The following NLGN2 variants were observed in gnomAD, a reference collection of about 807,000 sequenced individuals.
The protein encoded by NLGN2 is neuroligin-2.
In NLGN2, 11 loss-of-function variants were observed where a neutral mutation model predicts 48.6. The ratio of observed to expected loss-of-function variants is 0.23; its 90% CI spans 0.14 to 0.37. The LOEUF (loss-of-function observed/expected upper bound fraction) is 0.37, where lower values mean the gene tolerates loss of function less well. Among genes scored for constraint, NLGN2 ranks in the 10% least tolerant of loss-of-function variants. NLGN2 has a pLI of 1.00. For synonymous variants in NLGN2, 548 were observed against 550.0 expected, an observed-to-expected ratio of 1.00 and a Z score of 0.05; for missense variants, 801 against 1,225.2, an observed-to-expected ratio of 0.65 and a Z score of 5.17.
At chr17:7,406,651 G>GGC, upstream of NLGN2, among the ~76,000 whole-genome samples, 1 of 133,360 alleles carries the variant, frequency 7.5e-6, no homozygotes, top group South Asian at 2.8e-4. Flanking sequence ...CTGGTGGGGG[G>GGC]GCGGGGGGGG....
intron 3 of NLGN2, 42 bp downstream of exon 3, chr17:7,414,535 G>A (rs532675139): frequency 1.2e-6 from 2 of 1,611,998 alleles, no homozygotes; most frequent in African/African-American, 2.7e-5. Context: ...GGGAGTCTGG[G>A]AGGTGGGCCT....
intron 2 of NLGN2, among the ~76,000 whole-genome samples, chr17:7,412,666 C>T (rs893137472): frequency 6.6e-6 from 1 of 151,868 alleles, no homozygotes; most frequent in Non-Finnish European, 1.5e-5. Context: ...AAGCCTGTCG[C>T]AATTTCCAAA....
At chr17:7,416,812 TC>T in intron 6 of NLGN2, 113 bp from the exon 7 acceptor site, 1 of 1,313,228 alleles carries the variant, frequency 7.6e-7, no homozygotes, top group East Asian at 2.5e-5. Context: ...TCTCTGGCTT[TC>T]TTGCTGTCCC....
rs2150820213 is a variant in NLGN2, at chr17:7,418,966, A to T, written c.*1167A>T. 1 of 152,534 alleles carries T rather than the reference A, an allele frequency of 6.6e-6. No individual in the cohort carries two copies. Among genetic ancestry groups the T allele is most frequent in the East Asian group, 1.9e-4 (1 of 5,164 alleles). The allele number at this position is 152,534 out of a possible 1,614,324, so 9.4% of individuals were successfully genotyped here. A position where few individuals can be genotyped will look rare whatever the true frequency, so the allele number is the denominator to read the frequency against. The stretch of plus-strand genomic sequence containing the variant: ...AGGGGAAACTAAGGGCAAGCAGGAT[A>T]CAGGGCGAGGGATGTGGCAGGTGAG... On this transcript the variant is annotated 3_prime_UTR_variant, in exon 7 of 7. Transcript: ENST00000302926.
chr17:7,410,648 C>T (rs954395583), intron 1 of NLGN2, among the ~76,000 whole-genome samples: 1 of 152,140 alleles, frequency 6.6e-6, no homozygotes, highest in African/African-American at 2.4e-5. Flanking sequence ...ATGGACTGTC[C>T]ACCCCAACAC....
rs772593403 is a variant in NLGN2 at position 7,413,683 on chromosome 17, C to T, written c.509-661C>T. Among the ~76,000 whole-genome samples the T allele has an allele frequency of 1.3e-5, 2 of 152,078 alleles. No individual in the cohort carries two copies. Among genetic ancestry groups the T allele is most frequent in the Non-Finnish European group, 2.9e-5 (2 of 67,986 alleles). On this transcript the variant is annotated intron_variant, in intron 2 of 6. Transcript: ENST00000302926. The surrounding 1 kb of genome is among the most constrained non-coding windows in gnomAD (Gnocchi z 4.9). ...GGGCTCAGGCCAGTTTGGGGGTGTC[C>T]AAAACTAAGCTGCACCCTGGCTTCA...
upstream of NLGN2, among the ~76,000 whole-genome samples, chr17:7,406,769 G>T (rs190383926): frequency 3.9e-5 from 6 of 152,218 alleles, no homozygotes; most frequent in East Asian, 7.7e-4. Context: ...TGTAGGGGGG[G>T]TGGCAAGGGG....
rs550812088 is a variant in NLGN2, at chr17:7,418,827, G to C, written c.*1028G>C. 1 of 152,626 alleles carries C rather than the reference G, an allele frequency of 6.6e-6. No individual in the cohort carries two copies. The highest frequency in any genetic ancestry group is 2.4e-5 in the African/African-American group (1 of 41,528). 9.5% of individuals were successfully genotyped at this position (152,626 alleles called of 1,614,324 possible). A position where few individuals can be genotyped will look rare whatever the true frequency, so the allele number is the denominator to read the frequency against. ...ACCAAAGCCCTCATTGTGGTCCGAG[G>C]ACAGCCTTTTCCCCAGGCCTCAGAG... On this transcript the variant is annotated 3_prime_UTR_variant, in exon 7 of 7. Coordinates refer to ENST00000302926, the MANE Select transcript of NLGN2 (RefSeq NM_020795.4).
Position 7,408,072 on chromosome 17 carries a change from T to G in NLGN2, c.-184T>G. The G allele has an allele frequency of 4.3e-5, 9 of 211,600 alleles. No homozygotes were observed. Among genetic ancestry groups the G allele is most frequent in the East Asian group, 1.0e-4 (1 of 10,002 alleles). 13.1% of individuals were successfully genotyped at this position (211,600 alleles called of 1,614,324 possible). A position where few individuals can be genotyped will look rare whatever the true frequency, so the allele number is the denominator to read the frequency against. Reference sequence around the variant, plus strand: ...CCTTCCCCACCCCGTGCCCCCTCCATGGAGAGGAACAGACCCCTTCTCTGT... The same window carrying G: ...CCTTCCCCACCCCGTGCCCCCTCCAGGGAGAGGAACAGACCCCTTCTCTGT... On this transcript the variant is annotated 5_prime_UTR_variant, in exon 1 of 7. An upstream start codon of the reference 5' UTR is lost. Coordinates refer to ENST00000302926, the MANE Select transcript of NLGN2 (RefSeq NM_020795.4). The surrounding 1 kb of genome is among the most constrained non-coding windows in gnomAD (Gnocchi z 7.5).
In NLGN2 at chr17:7,417,626, G is replaced by C; in HGVS notation, c.2335G>C (p.Asp779His). ...YTLALRRAPDDVPLLAPGALT... is the reference protein window; with the variant it reads ...YTLALRRAPDHVPLLAPGALT... The stretch of plus-strand genomic sequence containing the variant: ...CCTGGCCCTGCGCCGGGCACCGGAC[G>C]ATGTGCCTCTCTTGGCCCCCGGGGC... The change falls in exon 7 of 7, where the codon GAT becomes CAT. Residue 779 changes from aspartate to histidine, a missense_variant. This residue lies in a region of NLGN2 where 276 missense variants were observed against 313.9 expected (regional missense o/e 0.88). Transcript: ENST00000302926. The C allele has an allele frequency of 1.4e-6, 2 of 1,415,408 alleles. No homozygotes were observed. The highest frequency in any genetic ancestry group is 1.8e-6 in the Non-Finnish European group (2 of 1,094,356). The allele number at this position is 1,415,408 out of a possible 1,614,324, so 87.7% of individuals were successfully genotyped here. A position where few individuals can be genotyped will look rare whatever the true frequency, so the allele number is the denominator to read the frequency against.
intron 2 of NLGN2, 116 bp from the exon 3 acceptor site, chr17:7,414,228 C>G: frequency 1.1e-6 from 1 of 902,926 alleles, no homozygotes; most frequent in Non-Finnish European, 1.8e-6. Context: ...AGTGACATGT[C>G]CCCTGAGCTC....
At chr17:7,412,245 A>T (rs765181143) in intron 2 of NLGN2, 38 bp downstream of exon 2, 14 of 1,550,014 alleles carry the variant, frequency 9.0e-6, no homozygotes, top group Non-Finnish European at 1.2e-5. Flanking sequence ...GTGGTTGCTT[A>T]TAAGAGGACA....
At chr17:7,414,290 A>T (rs1907006915) in intron 2 of NLGN2, 54 bp from the exon 3 acceptor site, 1 of 1,523,502 alleles carries the variant, frequency 6.6e-7, no homozygotes, top group Non-Finnish European at 9.0e-7. Flanking sequence ...TTCCGGTCTG[A>T]CTGTGTCCTT....
chr17:7,416,955 C>T lies in NLGN2; in HGVS notation c.1664C>T (p.Thr555Ile). 6.2e-7 allele frequency: 1 copy of T among 1,614,050 alleles called. No homozygotes were observed. Among genetic ancestry groups the T allele is most frequent in the East Asian group, 2.2e-5 (1 of 44,890 alleles). Reference sequence around the variant, plus strand: ...CCCAACCAGCCGGTGCCGCAGGATACCAAGTTCATCCACACCAAGCCCAAT... The same window carrying T: ...CCCAACCAGCCGGTGCCGCAGGATATCAAGTTCATCCACACCAAGCCCAAT... ...GDPNQPVPQD[T>I]KFIHTKPNRF... Residue 555 changes from threonine to isoleucine, a missense_variant, in exon 7 of 7, where the codon ACC becomes ATC. Thr to Ile is a moderately conservative substitution (Grantham distance 89, BLOSUM62 -1). This residue lies in a region of NLGN2 where 303 missense variants were observed against 600.1 expected (regional missense o/e 0.50). Coordinates refer to ENST00000302926, the MANE Select transcript of NLGN2 (RefSeq NM_020795.4).
Position 7,417,721 on chromosome 17 carries a change from G to A in NLGN2, c.2430G>A (p.Gly810=). The A allele has an allele frequency of 1.1e-5, 13 of 1,188,970 alleles. No individual in the cohort carries two copies. In the South Asian group the frequency reaches 2.7e-4, roughly 25 times the overall value. The allele number at this position is 1,188,970 out of a possible 1,614,324, so 73.7% of individuals were successfully genotyped here. ...CGCCCCCCTCCCTTCATCCCTTCGGGCCCTTCCCCCCGCCCCCTCCCACCG... is the reference window on the plus strand; with the variant it reads ...CGCCCCCCTCCCTTCATCCCTTCGGACCCTTCCCCCCGCCCCCTCCCACCG... The part of the protein sequence containing the change: ...PPPPPSLHPF[G]PFPPPPPTAT... The change falls in exon 7 of 7, where the codon GGG becomes GGA. Residue 810 remains glycine, a synonymous_variant. Transcript: ENST00000302926.
upstream of NLGN2, among the ~76,000 whole-genome samples, chr17:7,404,707 C>G (rs1906536846): frequency 6.6e-6 from 1 of 152,158 alleles, no homozygotes; most frequent in Non-Finnish European, 1.5e-5. Flanking sequence ...CCACCCTGCC[C>G]TGGCCCGCTA....
At chr17:7,406,656 G>GGT (rs1555547601), upstream of NLGN2, among the ~76,000 whole-genome samples, 1 of 140,922 alleles carries the variant, frequency 7.1e-6, no homozygotes, top group East Asian at 2.4e-4. Flanking sequence ...GGGGGGGCGG[G>GGT]GGGGGGGCTT....
At chr17:7,416,757 CTG>C (rs949459100) in intron 6 of NLGN2, among the ~76,000 whole-genome samples, 167 bp from the exon 7 acceptor site, 1 of 152,156 alleles carries the variant, frequency 6.6e-6, no homozygotes, top group Non-Finnish European at 1.5e-5. Flanking sequence ...GGCAGTTTCT[CTG>C]TCTCTTCATA....
Position 7,417,235 on chromosome 17 carries a change from C to T in NLGN2, c.1944C>T (p.Thr648=), listed in dbSNP as rs1330867239. 6.5e-7 allele frequency: 1 copy of T among 1,541,962 alleles called. No homozygotes were observed. Among genetic ancestry groups the T allele is most frequent in the Non-Finnish European group, 8.7e-7 (1 of 1,147,858 alleles). ...CACGCCGGCCCCCGCCGCCTGCCAC[C>T]CTGCCTCCCGAGCCCGAGCCCGAGC... ...PGTRRPPPPA[T]LPPEPEPEPG... Residue 648 remains threonine (T), a synonymous_variant, in exon 7 of 7, where the codon ACC becomes ACT. Coordinates refer to ENST00000302926, the MANE Select transcript of NLGN2 (RefSeq NM_020795.4).
Sources: gnomAD v4.1 joint callset for allele counts (sites outside exome capture counted in the v4.1 genomes callset) on GRCh38, gnomAD v4.1.1 for gene constraint, gnomAD v4.1.1 regional missense constraint, Gnocchi (gnomAD v3.1) non-coding constraint, MANE v1.5 for transcripts, NCBI Gene and HGNC (gene_info 2026-07-23, HGNC 2026-07-21) for gene names.